The following PCDH15 variants were observed in gnomAD, a reference collection of about 807,000 sequenced individuals.
PCDH15 encodes the protein protocadherin related 15.
In PCDH15, 129 loss-of-function variants were observed where a neutral mutation model predicts 178.5. That is an observed-to-expected ratio of 0.72 (90% CI 0.63 to 0.84). The LOEUF (loss-of-function observed/expected upper bound fraction) is 0.84. PCDH15 is among the 40% of genes least tolerant of loss of function. The probability of loss-of-function intolerance (pLI) is 0.00; values close to 1 mark genes in which losing one functional copy is unlikely to be tolerated. For synonymous variants in PCDH15, 800 were observed against 732.0 expected, an observed-to-expected ratio of 1.09 and a Z score of -1.50; for missense variants, 2,230 against 2,099.9, an observed-to-expected ratio of 1.06 and a Z score of -1.21.
intron 23 of PCDH15, among the ~76,000 whole-genome samples, chr10:53,949,935 T>C (rs946451336): frequency 6.6e-6 from 1 of 152,184 alleles, no homozygotes; most frequent in Non-Finnish European, 1.5e-5. Flanking sequence ...ATGCTAATCC[T>C]TTGTTAAATA....
At chr10:54,315,661 A>T (rs1335499249) in intron 8 of PCDH15, among the ~76,000 whole-genome samples, 7 of 151,824 alleles carry the variant, frequency 4.6e-5, no homozygotes, top group African/African-American at 1.7e-4. Context: ...TCTAGTTTGG[A>T]GTTTTACATT....
Position 53,811,538 on chromosome 10 carries a change from T to A in PCDH15, c.4562+11A>T. ...AATAAGAATCTGAATTTTAAAAATC[T>A]GAAGATGTACCCATGCTCATAACTG... On this transcript the variant is annotated intron_variant, in intron 36 of 37. Coordinates refer to ENST00000644397, the MANE Select transcript of PCDH15 (RefSeq NM_001384140.1). 2.0e-6 allele frequency: 3 copies of A among 1,469,018 alleles called. No homozygotes were observed. In the South Asian group the frequency reaches 4.5e-5, roughly 22 times the overall value. 91.0% of individuals were successfully genotyped at this position (1,469,018 alleles called of 1,614,324 possible). A position where few individuals can be genotyped will look rare whatever the true frequency, so the allele number is the denominator to read the frequency against.
intron 2 of PCDH15, among the ~76,000 whole-genome samples, chr10:54,559,113 TTTCTC>T (rs2087708981): frequency 1.3e-5 from 2 of 152,162 alleles, no homozygotes; most frequent in African/African-American, 2.4e-5. Flanking sequence ...TTATCTCACT[TTTCTC>T]TTCTCTTTTC....
chr10:53,940,753 C>T lies in PCDH15; in HGVS notation c.3232+113G>A, dbSNP rs1436459682. 7.4e-6 allele frequency: 6 copies of T among 811,968 alleles called. No individual in the cohort carries two copies. The East Asian group carries it at 1.6e-4, about 22-fold the overall frequency. 50.3% of individuals were successfully genotyped at this position (811,968 alleles called of 1,614,324 possible). A position where few individuals can be genotyped will look rare whatever the true frequency, so the allele number is the denominator to read the frequency against. ...GGTTAACAATTACATTTAAGATGGG[C>T]ACAATTTTATTAGAAAACAATAGAA... On this transcript the variant is annotated intron_variant, in intron 24 of 37. Coordinates refer to ENST00000644397, the MANE Select transcript of PCDH15 (RefSeq NM_001384140.1).
chr10:54,279,001 T>C (rs920128530), intron 8 of PCDH15, among the ~76,000 whole-genome samples: 2 of 151,650 alleles, frequency 1.3e-5, no homozygotes, highest in Admixed American at 1.3e-4. Flanking sequence ...TATACATTTA[T>C]GTACTATATT....
intron 2 of PCDH15, among the ~76,000 whole-genome samples, chr10:55,415,811 A>C (rs879682434): frequency 1.1e-4 from 17 of 151,798 alleles, no homozygotes; most frequent in Non-Finnish European, 2.1e-4. Flanking sequence ...GGGAAGACTG[A>C]GGTACCCATT....
chr10:54,668,918 T>C (rs1170687465), intron 1 of PCDH15, among the ~76,000 whole-genome samples: 2 of 152,194 alleles, frequency 1.3e-5, no homozygotes, highest in African/African-American at 4.8e-5. Context: ...GCCAAATTAC[T>C]GTTATTCTTG....
chr10:55,476,186 G>C (rs1288503874), intron 2 of PCDH15, among the ~76,000 whole-genome samples: 1 of 151,884 alleles, frequency 6.6e-6, no homozygotes, highest in Non-Finnish European at 1.5e-5. Flanking sequence ...GAATATGCTA[G>C]GGTGTGACTT....
At chr10:54,424,115 C>T (rs1565237723) in intron 3 of PCDH15, among the ~76,000 whole-genome samples, 1 of 151,894 alleles carries the variant, frequency 6.6e-6, no homozygotes, top group Non-Finnish European at 1.5e-5. Flanking sequence ...ATCTACTTAT[C>T]TGACAAAGGG....
chr10:54,062,272 A>AAAAAG, intron 18 of PCDH15, among the ~76,000 whole-genome samples: 1 of 149,642 alleles, frequency 6.7e-6, no homozygotes, highest in Non-Finnish European at 1.5e-5. Flanking sequence ...ACTAAATGAA[A>AAAAAG]ACTCCCTTCA....
intron 3 of PCDH15, among the ~76,000 whole-genome samples, chr10:54,849,089 C>G (rs1953564277): frequency 6.6e-6 from 1 of 151,992 alleles, no homozygotes; most frequent in African/African-American, 2.4e-5. Context: ...ACGTGTTTCC[C>G]TTTCTTATTA....
At chr10:55,274,894 T>C (rs1158275734) in intron 1 of PCDH15, among the ~76,000 whole-genome samples, 1 of 152,056 alleles carries the variant, frequency 6.6e-6, no homozygotes, top group East Asian at 1.9e-4. Flanking sequence ...CCACCACTGA[T>C]ATGACAGGAG....
intron 3 of PCDH15, among the ~76,000 whole-genome samples, chr10:54,516,976 G>A (rs999479562): frequency 1.3e-5 from 2 of 151,840 alleles, no homozygotes; most frequent in East Asian, 3.9e-4. Context: ...CATAAGTGAA[G>A]GAGAAATAAA....
chr10:55,368,961 T>C (rs544383305), intron 2 of PCDH15, among the ~76,000 whole-genome samples: 9 of 149,910 alleles, frequency 6.0e-5, no homozygotes, highest in South Asian at 2.1e-4. Flanking sequence ...TATAAAATCA[T>C]TTATTACTTA....
intron 1 of PCDH15, among the ~76,000 whole-genome samples, chr10:54,747,453 T>C (rs547370298): frequency 1.3e-5 from 2 of 152,306 alleles, no homozygotes; most frequent in East Asian, 3.9e-4. Context: ...TCCTTAAATG[T>C]CTCTATTGAC....
rs182443923 is a variant in PCDH15, at chr10:54,589,302, C to G, written c.92-61425G>C. ...TTCTGAGACCTTAATATTTCTGTTC[C>G]CTCTCCCTGGAACACTATTCCTCAA... On this transcript the variant is annotated intron_variant, in intron 2 of 37. Transcript: ENST00000644397. Among the ~76,000 whole-genome samples the G allele has an allele frequency of 1.5e-3, 228 of 152,072 alleles. 1 individual carries two copies. The highest frequency in any genetic ancestry group is 0.01 in the Middle Eastern group (3 of 294).
chr10:55,346,649 T>C (rs551971794), intron 2 of PCDH15, among the ~76,000 whole-genome samples: 1 of 150,840 alleles, frequency 6.6e-6, no homozygotes, highest in Non-Finnish European at 1.5e-5. Context: ...TTTGGAATCA[T>C]GCAATATGCG....
intron 13 of PCDH15, among the ~76,000 whole-genome samples, chr10:54,163,821 T>G (rs1468549931): frequency 6.6e-6 from 1 of 152,138 alleles, no homozygotes; most frequent in Non-Finnish European, 1.5e-5. Flanking sequence ...ATAACAATTA[T>G]AATAAATTCT....
chr10:54,037,056 G>A (rs1462631571), intron 18 of PCDH15, among the ~76,000 whole-genome samples: 1 of 151,930 alleles, frequency 6.6e-6, no homozygotes, highest in African/African-American at 2.4e-5. Flanking sequence ...GCCTGAAGAT[G>A]TGAGTGAATT....
Sources: allele counts gnomAD v4.1 joint callset (sites outside exome capture counted in the v4.1 genomes callset), GRCh38; gene constraint gnomAD v4.1.1; transcripts MANE v1.5; gene names NCBI Gene and HGNC (gene_info 2026-07-23, HGNC 2026-07-21).